Variants in MRC1 observed in about 807,000 individuals in gnomAD.
MRC1 encodes macrophage mannose receptor 1.
In MRC1, 62 loss-of-function variants were observed where a neutral mutation model predicts 102.9. The ratio of observed to expected loss-of-function variants is 0.60; its 90% CI spans 0.49 to 0.74. The LOEUF (loss-of-function observed/expected upper bound fraction) is 0.74. Ranked by LOEUF, MRC1 falls within the 30% of genes least tolerant of loss-of-function variation. The pLI is 0.00. For missense variants in MRC1, 1,237 were observed against 862.8 expected (o/e 1.43, Z -5.43); for synonymous variants, 457 against 298.4 (o/e 1.53, Z -5.48).
intron 1 of MRC1, among the ~76,000 whole-genome samples, chr10:17,813,683 T>C (rs1187568525): frequency 2.1e-4 from 17 of 80,692 alleles, no homozygotes; most frequent in South Asian, 1.4e-3. Flanking sequence ...ACACACACAT[T>C]ATATATATAT....
In MRC1 at chr10:17,861,494, T is replaced by A; in HGVS notation, c.1626T>A (p.Ile542=). 1 of 869,438 alleles carries A rather than the reference T, an allele frequency of 1.2e-6. No individual in the cohort carries two copies. The highest frequency in any genetic ancestry group is 2.0e-6 in the Non-Finnish European group (1 of 499,164). The allele number at this position is 869,438 out of a possible 1,614,324, so 53.9% of individuals were successfully genotyped here. ...ATGAGAATGCTTATTTAACAACTAT[T>A]GAAGACAGGTATGTAACTATTTTAA... ...CNNENAYLTT[I]EDRYEQAFLT... is the part of the protein sequence containing the mutation. The change falls in exon 10 of 30, where the codon ATT becomes ATA. Residue 542 remains isoleucine, a synonymous_variant. Transcript: ENST00000569591.
In MRC1 at chr10:17,881,048, T is replaced by G; in HGVS notation, c.2866-19T>G. 6 of 780,432 alleles carry G rather than the reference T, an allele frequency of 7.7e-6. No homozygotes were observed. The South Asian group carries it at 8.0e-5, about 10-fold the overall frequency. The allele number at this position is 780,432 out of a possible 1,614,324, so 48.3% of individuals were successfully genotyped here. On this transcript the variant is annotated intron_variant, in intron 20 of 29. Transcript: ENST00000569591. ...CCCCTGCAGTTTTTCTTTTTTTCTC[T>G]GCCCCTCTTCCATCCCAGTGTTTCA...
intron 16 of MRC1, 63 bp from the exon 17 acceptor site, chr10:17,875,027 T>TA (rs1413510221): frequency 1.3e-6 from 1 of 780,570 alleles, no homozygotes; most frequent in African/African-American, 1.7e-5. Flanking sequence ...TTGTGTGCTG[T>TA]ACACACCAGA....
At chr10:17,887,842 C>T (rs970278974) in intron 22 of MRC1, among the ~76,000 whole-genome samples, 4 of 152,088 alleles carry the variant, frequency 2.6e-5, no homozygotes, top group Non-Finnish European at 4.4e-5. Context: ...CTCACACTGT[C>T]GCCCGGCTGG....
intron 5 of MRC1, among the ~76,000 whole-genome samples, chr10:17,844,657 A>T (rs904952740): frequency 1.3e-5 from 2 of 152,186 alleles, no homozygotes; most frequent in Non-Finnish European, 2.9e-5. Context: ...TTTGGGATAT[A>T]AATGATCCAT....
At chr10:17,837,189 G>A (rs868979744) in intron 4 of MRC1, among the ~76,000 whole-genome samples, 2 of 152,204 alleles carry the variant, frequency 1.3e-5, no homozygotes, top group Admixed American at 1.3e-4. Context: ...AGATCCAGAG[G>A]CTGGGTTCAC....
intron 28 of MRC1, 151 bp from the exon 29 acceptor site, chr10:17,909,155 C>T: frequency 3.1e-6 from 2 of 654,386 alleles, no homozygotes; most frequent in African/African-American, 1.8e-5. Flanking sequence ...TTTTTTCTAC[C>T]TGTATTTTTA....
chr10:17,901,651 T>C (rs1225766835), intron 25 of MRC1, among the ~76,000 whole-genome samples: 1 of 151,874 alleles, frequency 6.6e-6, no homozygotes, highest in African/African-American at 2.4e-5. Flanking sequence ...ATCGCGCCAT[T>C]GTACTCCAGC....
chr10:17,891,546 G>A (rs1473177231), intron 22 of MRC1, among the ~76,000 whole-genome samples: 1 of 152,088 alleles, frequency 6.6e-6, no homozygotes, highest in Non-Finnish European at 1.5e-5. Flanking sequence ...GAATCATCTC[G>A]AAACCACCCT....
At chr10:17,832,449 G>A (rs954290716) in intron 3 of MRC1, among the ~76,000 whole-genome samples, 1 of 150,432 alleles carries the variant, frequency 6.6e-6, no homozygotes, top group East Asian at 2.0e-4. Flanking sequence ...CAGCTGCTGG[G>A]GAGGCTGAGG....
At chr10:17,856,722 T>A (rs1833098777) in intron 9 of MRC1, among the ~76,000 whole-genome samples, 1 of 152,126 alleles carries the variant, frequency 6.6e-6, no homozygotes, top group Non-Finnish European at 1.5e-5. Context: ...TAGTCTGTCA[T>A]CCTATGGGTT....
At chr10:17,822,225 T>C (rs1445471573) in intron 1 of MRC1, among the ~76,000 whole-genome samples, 1 of 152,248 alleles carries the variant, frequency 6.6e-6, no homozygotes, top group Non-Finnish European at 1.5e-5. Context: ...TAAAATATTC[T>C]CTCCAATGAT....
intron 11 of MRC1, among the ~76,000 whole-genome samples, chr10:17,864,853 G>A (rs895477668): frequency 2.1e-5 from 3 of 141,452 alleles, no homozygotes; most frequent in African/African-American, 8.5e-5. Context: ...AAAAAAAGCA[G>A]TGGAAACTGA....
Position 17,835,783 on chromosome 10 carries a change from A to G in MRC1, c.802+1944A>G, listed in dbSNP as rs972334409. Among the ~76,000 whole-genome samples the G allele has an allele frequency of 5.6e-3, 859 of 152,340 alleles. 11 individuals are homozygous for G. The highest frequency in any genetic ancestry group is 0.02 in the African/African-American group (831 of 41,580). Reference sequence around the variant, plus strand: ...TTCTTCTGTGTGAAGTGGCTTATTCATCACCTTGGAATTCTGTTAAAGTGA... The same window carrying G: ...TTCTTCTGTGTGAAGTGGCTTATTCGTCACCTTGGAATTCTGTTAAAGTGA... On this transcript the variant is annotated intron_variant, in intron 4 of 29. Transcript: ENST00000569591.
chr10:17,816,578 G>A (rs1385327601), intron 1 of MRC1, among the ~76,000 whole-genome samples: 1 of 152,180 alleles, frequency 6.6e-6, no homozygotes, highest in Non-Finnish European at 1.5e-5. Context: ...TGCCATGTTT[G>A]AGCCTAGAGG....
intron 1 of MRC1, among the ~76,000 whole-genome samples, chr10:17,813,519 G>A (rs1246223778): frequency 9.2e-5 from 14 of 151,610 alleles, no homozygotes; most frequent in African/African-American, 3.1e-4. Flanking sequence ...TGAATTAAGT[G>A]GGAGAAAAAT....
At chr10:17,831,540 G>A (rs993270985) in intron 3 of MRC1, among the ~76,000 whole-genome samples, 12 of 151,418 alleles carry the variant, frequency 7.9e-5, no homozygotes, top group Non-Finnish European at 1.5e-4. Flanking sequence ...GTCTATGATC[G>A]CTTCCTCATC....
chr10:17,910,361 G>T lies in MRC1; in HGVS notation c.4267G>T (p.Ala1423Ser), dbSNP rs1183517411. The change falls in exon 30 of 30, where the codon GCC becomes TCC. Residue 1423 changes from alanine to serine, a missense_variant. By Grantham distance (99) the Ala-to-Ser change is moderately conservative. Coordinates refer to ENST00000569591, the MANE Select transcript of MRC1 (RefSeq NM_002438.4). ...ACGTGTGCACCTACCTCAAGAGGGCGCCTTTGAAAACACTCTGTATTTTAA... is the reference window on the plus strand; with the variant it reads ...ACGTGTGCACCTACCTCAAGAGGGCTCCTTTGAAAACACTCTGTATTTTAA... ...KRRVHLPQEG[A>S]FENTLYFNSQ... The T allele has an allele frequency of 1.3e-6, 1 of 780,574 alleles. No individual in the cohort carries two copies. The highest frequency in any genetic ancestry group is 1.7e-5 in the African/African-American group (1 of 59,068). 48.4% of individuals were successfully genotyped at this position (780,574 alleles called of 1,614,324 possible).
Position 17,896,292 on chromosome 10 carries a change from G to C in MRC1, c.3251-1742G>C, listed in dbSNP as rs1287949164. ...CTGAAAACCATCTAAGATACTTTCA[G>C]ATGGTTGAGAAGTACTCCTGCAATC... On this transcript the variant is annotated intron_variant, in intron 23 of 29. Transcript: ENST00000569591. Among the ~76,000 whole-genome samples the C allele has an allele frequency of 4.6e-5, 7 of 152,292 alleles. 2 individuals are homozygous for C. The Middle Eastern group carries it at 0.02, about 444-fold the overall frequency.
Sources: allele counts gnomAD v4.1 joint callset (sites outside exome capture counted in the v4.1 genomes callset), GRCh38; gene constraint gnomAD v4.1.1; transcripts MANE v1.5; gene names NCBI Gene and HGNC (gene_info 2026-07-23, HGNC 2026-07-21).